Variants in SLC4A4 observed in about 807,000 individuals in gnomAD.
SLC4A4 encodes solute carrier family 4 member 4.
In SLC4A4, 27 loss-of-function variants were observed where a neutral mutation model predicts 111.5. That is an observed-to-expected ratio of 0.24 (90% CI 0.18 to 0.33). The LOEUF is 0.33. Among genes scored for constraint, SLC4A4 ranks in the 10% least tolerant of loss-of-function variants. The pLI, the probability that SLC4A4 is intolerant of heterozygous loss-of-function variation, is 1.00. For missense variants in SLC4A4, 909 were observed against 1,315.5 expected (o/e 0.69, Z 4.78); for synonymous variants, 443 against 463.4 (o/e 0.96, Z 0.57).
At chr4:71,463,673 AC>A (rs1488946639) in intron 12 of SLC4A4, among the ~76,000 whole-genome samples, 1 of 152,146 alleles carries the variant, frequency 6.6e-6, no homozygotes, top group African/African-American at 2.4e-5. Flanking sequence ...TGTTATCTTT[AC>A]CGAATGAGCA....
chr4:71,515,102 T>C (rs1194803932), intron 16 of SLC4A4, among the ~76,000 whole-genome samples: 1 of 152,030 alleles, frequency 6.6e-6, no homozygotes, highest in Non-Finnish European at 1.5e-5. Flanking sequence ...TCTTTCTACT[T>C]ATTTATTTAT....
chr4:71,239,927 A>T (rs573086844), intron 2 of SLC4A4, among the ~76,000 whole-genome samples: 1 of 152,312 alleles, frequency 6.6e-6, no homozygotes, highest in East Asian at 1.9e-4. Flanking sequence ...CTTTATCAAA[A>T]TGCCCCAGCT....
intron 7 of SLC4A4, among the ~76,000 whole-genome samples, chr4:71,417,500 A>G (rs1016896416): frequency 6.6e-6 from 1 of 152,196 alleles, no homozygotes; most frequent in African/African-American, 2.4e-5. Context: ...AGTGGAGTTC[A>G]TGGCACAACA....
At chr4:71,385,362 C>A (rs901612625) in intron 6 of SLC4A4, among the ~76,000 whole-genome samples, 3 of 151,188 alleles carry the variant, frequency 2.0e-5, no homozygotes, top group Non-Finnish European at 3.0e-5. Flanking sequence ...TCCGACCCGG[C>A]TAATTTTGTA....
chr4:71,379,797 A>G (rs1378806734), intron 6 of SLC4A4, among the ~76,000 whole-genome samples: 2 of 152,150 alleles, frequency 1.3e-5, no homozygotes. Flanking sequence ...TCTCAAATTC[A>G]TCTAGATTTC....
intron 5 of SLC4A4, among the ~76,000 whole-genome samples, chr4:71,354,781 AGTTTT>A: frequency 6.6e-6 from 1 of 152,192 alleles, no homozygotes; most frequent in East Asian, 1.9e-4. Flanking sequence ...TTTATATGGG[AGTTTT>A]GCCTCTAATC....
chr4:71,160,040 C>T (rs1679624629), intron 2 of SLC4A4, among the ~76,000 whole-genome samples: 1 of 150,728 alleles, frequency 6.6e-6, no homozygotes, highest in African/African-American at 2.4e-5. Context: ...GCCAGACTTT[C>T]TAAGCACTTC....
chr4:71,357,016 G>T lies in SLC4A4; in HGVS notation c.559G>T (p.Val187Phe). ...TTTTGTTTTTGTACCAGAGATGATTGTTGACCATCAGATTGAGACAGGCCT... is the reference window on the plus strand; with the variant it reads ...TTTTGTTTTTGTACCAGAGATGATTTTTGACCATCAGATTGAGACAGGCCT... ...SSLPQLVEMI[V>F]DHQIETGLLK... is the part of the protein sequence containing the mutation. The change falls in exon 6 of 26, where the codon GTT (valine) becomes TTT (phenylalanine). Residue 187 changes from valine to phenylalanine, a missense_variant. Val to Phe is a conservative substitution (Grantham distance 50). Coordinates refer to ENST00000264485, the MANE Select transcript of SLC4A4 (RefSeq NM_001098484.3). The T allele has an allele frequency of 6.2e-7, 1 of 1,613,934 alleles. No homozygotes were observed. The highest frequency in any genetic ancestry group is 8.5e-7 in the Non-Finnish European group (1 of 1,179,874).
At chr4:71,388,057 T>C (rs1158332483) in intron 6 of SLC4A4, among the ~76,000 whole-genome samples, 3 of 152,218 alleles carry the variant, frequency 2.0e-5, no homozygotes, top group African/African-American at 7.2e-5. Flanking sequence ...CAGCGAGATA[T>C]TCATTTACTT....
upstream of SLC4A4, among the ~76,000 whole-genome samples, chr4:71,184,172 CT>C (rs2148989519): frequency 6.6e-6 from 1 of 152,270 alleles, no homozygotes; most frequent in South Asian, 2.1e-4. Context: ...TGAGAAAATT[CT>C]ATGCTAATAA....
At chr4:71,313,518 T>A (rs894198235) in intron 3 of SLC4A4, among the ~76,000 whole-genome samples, 1 of 151,972 alleles carries the variant, frequency 6.6e-6, no homozygotes, top group African/African-American at 2.4e-5. Context: ...GCTACCTGAC[T>A]TCAAACTACA....
chr4:71,252,017 A>G (rs924782283), intron 2 of SLC4A4, among the ~76,000 whole-genome samples: 6 of 152,134 alleles, frequency 3.9e-5, no homozygotes, highest in South Asian at 2.1e-4. Context: ...TCCCCTAAGA[A>G]CTTGCAGTCA....
intron 7 of SLC4A4, among the ~76,000 whole-genome samples, chr4:71,409,652 A>C (rs1191030841): frequency 6.6e-6 from 1 of 152,228 alleles, no homozygotes; most frequent in Non-Finnish European, 1.5e-5. Flanking sequence ...TGCAGTAGAA[A>C]AGAAAAACCC....
At chr4:71,283,648 A>G (rs1311082550) in intron 3 of SLC4A4, among the ~76,000 whole-genome samples, 1 of 152,208 alleles carries the variant, frequency 6.6e-6, no homozygotes, top group African/African-American at 2.4e-5. Context: ...GAGTAATTGC[A>G]CTAGATCATC....
chr4:71,432,199 A>G (rs1037853446), intron 7 of SLC4A4, among the ~76,000 whole-genome samples: 2 of 152,292 alleles, frequency 1.3e-5, no homozygotes, highest in Admixed American at 1.3e-4. Context: ...TATATAAAAC[A>G]GAAGAGGATT....
chr4:71,156,586 G>GTGCA (rs1744476957), intron 2 of SLC4A4, among the ~76,000 whole-genome samples: 2 of 108,386 alleles, frequency 1.8e-5, no homozygotes, highest in Non-Finnish European at 3.7e-5. Context: ...GCGCGCGCGC[G>GTGCA]CGCACACACA....
At chr4:71,458,302 G>T (rs1175248684) in intron 12 of SLC4A4, among the ~76,000 whole-genome samples, 3 of 151,890 alleles carry the variant, frequency 2.0e-5, no homozygotes, top group African/African-American at 7.2e-5. Flanking sequence ...CTTATATAAG[G>T]AATAATTTTT....
At chr4:71,265,941 C>G (rs1441970806) in intron 3 of SLC4A4, among the ~76,000 whole-genome samples, 2 of 152,082 alleles carry the variant, frequency 1.3e-5, no homozygotes, top group African/African-American at 4.8e-5. Flanking sequence ...TAAACATACC[C>G]TAGTCTTCTA....
At chr4:71,352,275 G>A (rs1729911127) in intron 5 of SLC4A4, among the ~76,000 whole-genome samples, 1 of 152,110 alleles carries the variant, frequency 6.6e-6, no homozygotes, top group Non-Finnish European at 1.5e-5. Context: ...GTGCATAAAT[G>A]TAGGGCAAAC....
Sources: gnomAD v4.1 joint callset for allele counts (sites outside exome capture counted in the v4.1 genomes callset) on GRCh38, gnomAD v4.1.1 for gene constraint, MANE v1.5 for transcripts, NCBI Gene and HGNC (gene_info 2026-07-23, HGNC 2026-07-21) for gene names.